The following MAPKBP1 variants were observed in gnomAD, a reference collection of about 807,000 sequenced individuals.
MAPKBP1 encodes mitogen-activated protein kinase binding protein 1.
Under a neutral mutation model 170.5 loss-of-function variants are expected in MAPKBP1, and 71 were observed. That is an observed-to-expected ratio of 0.42 (90% CI 0.34 to 0.51). The LOEUF is 0.51. Ranked by LOEUF, MAPKBP1 falls within the 20% of genes least tolerant of loss-of-function variation. The probability of loss-of-function intolerance (pLI) is 0.06; values close to 1 mark genes in which losing one functional copy is unlikely to be tolerated. For missense variants in MAPKBP1, 1,598 were observed against 1,933.0 expected (o/e 0.83, Z 3.25); for synonymous variants, 719 against 757.9 (o/e 0.95, Z 0.84).
Position 41,818,146 on chromosome 15 carries a change from G to A in MAPKBP1, c.1981-48G>A, listed in dbSNP as rs1455138209. 2 of 1,601,098 alleles carry A rather than the reference G, an allele frequency of 1.2e-6. No individual in the cohort carries two copies. Among genetic ancestry groups the A allele is most frequent in the African/African-American group, 2.7e-5 (2 of 74,592 alleles). The stretch of plus-strand genomic sequence containing the variant: ...GGACAGAGTGGTGCTGGGTGGGAGG[G>A]ACTGGTACTTCCCATGTCCTCCAGC... On this transcript the variant is annotated intron_variant, in intron 17 of 30. Transcript: ENST00000457542. The surrounding 1 kb of genome is among the most constrained non-coding windows in gnomAD (Gnocchi z 5.2).
chr15:41,795,552 T>C (rs2064473476), intron 2 of MAPKBP1, among the ~76,000 whole-genome samples: 1 of 152,110 alleles, frequency 6.6e-6, no homozygotes, highest in African/African-American at 2.4e-5. Context: ...TTGGAGGGTT[T>C]TGGGCAAAAT....
At chr15:41,819,557 G>GGGGGGGGGGCCC in intron 21 of MAPKBP1, 38 bp from the exon 22 acceptor site, 1 of 1,384,688 alleles carries the variant, frequency 7.2e-7, no homozygotes, top group South Asian at 1.2e-5. Context: ...CGGGGGGGGG[G>GGGGGGGGGGCCC]CAGGAGACAC....
At position 41,817,657 on chromosome 15, in the gene MAPKBP1, G is replaced by A. The variant is rs751760008; in HGVS notation, c.1826G>A (p.Arg609Gln). The A allele has an allele frequency of 2.9e-5, 47 of 1,614,188 alleles. No homozygotes were observed. The highest frequency in any genetic ancestry group is 3.8e-5 in the Non-Finnish European group (45 of 1,180,034). ...VQFTRTHHVVRKTTLYDMDVE... is the reference protein window; with the variant it reads ...VQFTRTHHVVQKTTLYDMDVE... ...TTCACACGGACACACCACGTGGTGCGGAAGACGACCCTCTATGACATGGAT... is the reference window on the plus strand; with the variant it reads ...TTCACACGGACACACCACGTGGTGCAGAAGACGACCCTCTATGACATGGAT... Residue 609 changes from arginine (R) to glutamine (Q), a missense_variant, in exon 16 of 31, where the codon CGG becomes CAG. This residue lies in a region of MAPKBP1 where 430 missense variants were observed against 617.2 expected (regional missense o/e 0.70). Transcript: ENST00000457542. The surrounding 1 kb of genome is among the most constrained non-coding windows in gnomAD (Gnocchi z 4.2).
intron 2 of MAPKBP1, 45 bp from the exon 3 acceptor site, chr15:41,799,778 A>G (rs764650243): frequency 6.5e-7 from 1 of 1,541,424 alleles, no homozygotes; most frequent in Non-Finnish European, 9.0e-7. Context: ...CTTCTTCCCA[A>G]ACACACTCTG....
rs544983500 is a variant in MAPKBP1, at chr15:41,808,105, C to CTTTTT, written c.207-2764_207-2760dup. ...CTCTTATAATTTTCTTTCTTTCTTT[C>CTTTTT]TTTTTTTTTTTTTTTTTTGTAGACC... On this transcript the variant is annotated intron_variant, in intron 3 of 30. Coordinates refer to ENST00000457542, the MANE Select transcript of MAPKBP1 (RefSeq NM_014994.3). Among the ~76,000 whole-genome samples the CTTTTT allele has an allele frequency of 2.2e-3, 241 of 109,452 alleles. 2 individuals carry two copies. Among genetic ancestry groups the CTTTTT allele is most frequent in the East Asian group, 0.012 (40 of 3,270 alleles). The allele number at this position is 109,452 out of a possible 152,430, so 71.8% of individuals were successfully genotyped here.
intron 2 of MAPKBP1, among the ~76,000 whole-genome samples, chr15:41,780,105 C>T (rs1165535040): frequency 6.6e-6 from 1 of 152,174 alleles, no homozygotes; most frequent in Admixed American, 6.5e-5. Context: ...TTCGAAACCT[C>T]CTCTCACCTA....
intron 2 of MAPKBP1, among the ~76,000 whole-genome samples, chr15:41,796,471 A>T (rs1477910083): frequency 1.3e-5 from 2 of 152,158 alleles, no homozygotes; most frequent in African/African-American, 4.8e-5. Context: ...ATCCTTTGAA[A>T]GTGGAGCTCA....
intron 13 of MAPKBP1, 85 bp downstream of exon 13, chr15:41,816,735 C>G: frequency 4.1e-6 from 6 of 1,467,810 alleles, no homozygotes; most frequent in Non-Finnish European, 5.7e-6. Flanking sequence ...GACGTGGGGT[C>G]GGTAATCTTT....
In MAPKBP1 at chr15:41,809,173, A is replaced by G. The variant is rs1017218211; in HGVS notation, c.207-1710A>G. On this transcript the variant is annotated intron_variant, in intron 3 of 30. Coordinates refer to ENST00000457542, the MANE Select transcript of MAPKBP1 (RefSeq NM_014994.3). ...TGAGGCAGGAGGATTACTTGAGCCC[A>G]GGAGTTCAAGACCAGCTTGGGCAAC... Among the ~76,000 whole-genome samples the G allele has an allele frequency of 8.5e-5, 13 of 152,264 alleles. 1 individual carries two copies. The highest frequency in any genetic ancestry group is 6.5e-5 in the Admixed American group (1 of 15,284).
At chr15:41,819,500 C>G in intron 21 of MAPKBP1, 95 bp from the exon 22 acceptor site, 4 of 1,546,518 alleles carry the variant, frequency 2.6e-6, no homozygotes, top group Non-Finnish European at 3.5e-6. Context: ...ATCACTGTGG[C>G]CACACAGGGT....
chr15:41,808,058 A>G (rs532605141), intron 3 of MAPKBP1, among the ~76,000 whole-genome samples: 7 of 151,202 alleles, frequency 4.6e-5, no homozygotes, highest in Non-Finnish European at 8.9e-5. Context: ...AGAAAAAAAA[A>G]TCTAAATCTG....
rs1222141017 is a variant in MAPKBP1, at chr15:41,817,125, G to A, written c.1711+90G>A. The stretch of plus-strand genomic sequence containing the variant: ...TCCATGAGAAGGGTCTGCCCATTGT[G>A]GGGGAGTGTTGGACAGCAGCTGGGA... On this transcript the variant is annotated intron_variant, in intron 14 of 30. Transcript: ENST00000457542. The surrounding 1 kb of genome is among the most constrained non-coding windows in gnomAD (Gnocchi z 4.2). The A allele has an allele frequency of 2.0e-6, 3 of 1,518,302 alleles. No homozygotes were observed. The highest frequency in any genetic ancestry group is 2.1e-5 in the Admixed American group (1 of 47,850). 94.1% of individuals were successfully genotyped at this position (1,518,302 alleles called of 1,614,324 possible).
At chr15:41,775,449 G>A (rs948889335) in intron 2 of MAPKBP1, 60 bp downstream of exon 2, 3 of 1,240,770 alleles carry the variant, frequency 2.4e-6, no homozygotes, top group Non-Finnish European at 3.6e-6. Flanking sequence ...CATGTTCCTC[G>A]TTAACCTTCC....
intron 2 of MAPKBP1, among the ~76,000 whole-genome samples, chr15:41,796,604 T>TCC (rs200317699): frequency 6.6e-6 from 1 of 151,940 alleles, no homozygotes; most frequent in African/African-American, 2.4e-5. Flanking sequence ...GAAACTGCTT[T>TCC]TCCCCCCCCT....
chr15:41,822,364 AGACCAG>A lies in MAPKBP1; in HGVS notation c.3174_3179del (p.Asp1058_Gln1059del). 6.2e-7 allele frequency: 1 copy of A among 1,614,076 alleles called. No individual in the cohort carries two copies. The highest frequency in any genetic ancestry group is 1.3e-5 in the African/African-American group (1 of 75,032). ...TACAGGAGGGCAGCCCCCAGACTCCAGACCAGGAGCAGTTTCTAAAACAGCACTTTG... is the reference window on the plus strand; with the variant it reads ...TACAGGAGGGCAGCCCCCAGACTCCAGAGCAGTTTCTAAAACAGCACTTTG... On this transcript the variant is annotated inframe_deletion, in exon 26 of 31. Coordinates refer to ENST00000457542, the MANE Select transcript of MAPKBP1 (RefSeq NM_014994.3).
chr15:41,810,838 G>T, intron 3 of MAPKBP1, 45 bp from the exon 4 acceptor site: 2 of 1,591,198 alleles, frequency 1.3e-6, no homozygotes, highest in Non-Finnish European at 1.7e-6. Context: ...GCTCCTGGGG[G>T]AGCTGTGGTT....
chr15:41,807,810 G>A (rs2064725745), intron 3 of MAPKBP1, among the ~76,000 whole-genome samples: 1 of 152,130 alleles, frequency 6.6e-6, no homozygotes, highest in African/African-American at 2.4e-5. Context: ...GGCCAAGGTG[G>A]GTGGATCACC....
At chr15:41,780,834 T>A (rs556199699) in intron 2 of MAPKBP1, among the ~76,000 whole-genome samples, 3 of 152,048 alleles carry the variant, frequency 2.0e-5, no homozygotes, top group South Asian at 4.2e-4. Flanking sequence ...GTAGTGTGGA[T>A]TTTTAGCGTT....
At chr15:41,819,189 C>CCTCCTCTCCCCCTATTGAGT in intron 20 of MAPKBP1, 57 bp from the exon 21 acceptor site, 3 of 1,588,270 alleles carry the variant, frequency 1.9e-6, no homozygotes, top group Non-Finnish European at 2.6e-6. Context: ...CCCCACTGAG[C>CCTCCTCTCCCCCTATTGAGT]CTCCTCTCCC....
Sources: gnomAD v4.1 joint callset for allele counts (sites outside exome capture counted in the v4.1 genomes callset) on GRCh38, gnomAD v4.1.1 for gene constraint, gnomAD v4.1.1 regional missense constraint, Gnocchi (gnomAD v3.1) non-coding constraint, MANE v1.5 for transcripts, NCBI Gene and HGNC (gene_info 2026-07-23, HGNC 2026-07-21) for gene names.